NELL1: variants seen among roughly 807,000 people sequenced by gnomAD.
NELL1 encodes protein kinase C-binding protein NELL1.
In NELL1, 76 loss-of-function variants were observed where a neutral mutation model predicts 107.4. The observed-to-expected ratio is 0.71, with a 90% confidence interval of 0.59 to 0.86. NELL1 has a LOEUF of 0.86. Ranked by LOEUF, NELL1 falls within the 40% of genes least tolerant of loss-of-function variation. NELL1 has a pLI of 0.00. For missense variants in NELL1, 1,024 were observed against 1,005.5 expected, an observed-to-expected ratio of 1.02 and a Z score of -0.25; for synonymous variants, 353 against 341.2, an observed-to-expected ratio of 1.03 and a Z score of -0.38.
At chr11:20,767,498 C>T (rs746733875) in intron 2 of NELL1, among the ~76,000 whole-genome samples, 9 of 152,142 alleles carry the variant, frequency 5.9e-5, no homozygotes, top group African/African-American at 9.7e-5. Context: ...AATACTTTAG[C>T]TAGACATAGA....
chr11:21,531,191 G>A (rs184709897), intron 15 of NELL1, among the ~76,000 whole-genome samples: 7 of 152,184 alleles, frequency 4.6e-5, no homozygotes, highest in Middle Eastern at 6.8e-3. Context: ...ACACATATAC[G>A]TATATAGTTC....
chr11:20,821,833 G>T (rs1263769778), intron 3 of NELL1, among the ~76,000 whole-genome samples: 2 of 152,176 alleles, frequency 1.3e-5, no homozygotes, highest in Non-Finnish European at 2.9e-5. Flanking sequence ...CTTCTCTCTT[G>T]TTCATTTGTA....
rs569829311 is a variant in NELL1, at chr11:21,132,701, G to A, written c.1426+18987G>A. 1.3e-3 allele frequency among the ~76,000 whole-genome samples: 202 copies of A among 152,142 alleles called. 1 individual carries two copies. Among genetic ancestry groups the A allele is most frequent in the African/African-American group, 4.6e-3 (193 of 41,512 alleles). On this transcript the variant is annotated intron_variant, in intron 13 of 19. Coordinates refer to ENST00000357134, the MANE Select transcript of NELL1 (RefSeq NM_006157.5). ...CCCCAAAGAAGATGCTACAGCCCTG[G>A]CTCGGGGAGCCCCTAAATCTGGGCT...
At chr11:21,475,292 A>G (rs1186597196) in intron 15 of NELL1, among the ~76,000 whole-genome samples, 2 of 152,132 alleles carry the variant, frequency 1.3e-5, no homozygotes, top group Non-Finnish European at 2.9e-5. Context: ...TGATGTCTGA[A>G]GTTGCACCCT....
At chr11:21,375,706 A>C (rs1851458501) in intron 15 of NELL1, among the ~76,000 whole-genome samples, 1 of 152,112 alleles carries the variant, frequency 6.6e-6, no homozygotes, top group Non-Finnish European at 1.5e-5. Context: ...CAGCCTCACC[A>C]GCATCTGTTG....
At chr11:20,698,736 C>A (rs1229261792) in intron 2 of NELL1, among the ~76,000 whole-genome samples, 1 of 151,980 alleles carries the variant, frequency 6.6e-6, no homozygotes, top group Non-Finnish European at 1.5e-5. Context: ...TTTGGTGCAC[C>A]CATGACCTGG....
intron 12 of NELL1, among the ~76,000 whole-genome samples, chr11:21,017,781 A>G (rs1001609275): frequency 6.6e-6 from 1 of 152,092 alleles, no homozygotes; most frequent in African/African-American, 2.4e-5. Context: ...TCTAAATGCA[A>G]ACTTGATCAT....
intron 13 of NELL1, among the ~76,000 whole-genome samples, chr11:21,191,420 G>A (rs1857046514): frequency 6.6e-6 from 1 of 151,710 alleles, no homozygotes; most frequent in African/African-American, 2.4e-5. Context: ...AAACAAAAGA[G>A]ATATTCCCTA....
intron 15 of NELL1, among the ~76,000 whole-genome samples, chr11:21,460,252 C>CTAGT (rs1216474012): frequency 6.6e-6 from 1 of 151,990 alleles, no homozygotes; most frequent in Admixed American, 6.6e-5. Flanking sequence ...ATTGGAAGAA[C>CTAGT]TAGTGTTCAG....
chr11:20,928,074 AG>A (rs1850537532), intron 8 of NELL1, among the ~76,000 whole-genome samples: 2 of 152,246 alleles, frequency 1.3e-5, no homozygotes, highest in African/African-American at 4.8e-5. Flanking sequence ...AATGATTGAC[AG>A]AGTCTGCAAA....
At chr11:20,711,818 T>C (rs1855120143) in intron 2 of NELL1, among the ~76,000 whole-genome samples, 1 of 152,204 alleles carries the variant, frequency 6.6e-6, no homozygotes, top group Non-Finnish European at 1.5e-5. Flanking sequence ...TAAAATTCTT[T>C]ACTTCATCTT....
intron 3 of NELL1, among the ~76,000 whole-genome samples, chr11:20,795,508 G>A (rs576498502): frequency 9.9e-5 from 15 of 152,134 alleles, no homozygotes; most frequent in African/African-American, 3.1e-4. Context: ...TTATTTTTTC[G>A]GATTCAAATG....
intron 1 of NELL1, chr11:20,674,523 A>G (rs188336430): frequency 1.3e-6 from 2 of 1,536,004 alleles, no homozygotes; most frequent in Admixed American, 2.0e-5. Flanking sequence ...TATCGCTGAT[A>G]TGGAGAACTA....
chr11:20,871,159 T>C (rs1330790599), intron 4 of NELL1, among the ~76,000 whole-genome samples: 1 of 152,184 alleles, frequency 6.6e-6, no homozygotes, highest in African/African-American at 2.4e-5. Flanking sequence ...AATATATTAA[T>C]TAATTAGTAC....
chr11:21,145,740 C>T (rs2133778038), intron 13 of NELL1, among the ~76,000 whole-genome samples: 1 of 152,304 alleles, frequency 6.6e-6, no homozygotes, highest in African/African-American at 2.4e-5. Context: ...AACCTGCCCT[C>T]TGTTAACTTA....
At chr11:21,350,612 G>T (rs554610155) in intron 14 of NELL1, among the ~76,000 whole-genome samples, 3 of 152,242 alleles carry the variant, frequency 2.0e-5, no homozygotes, top group African/African-American at 7.2e-5. Context: ...AACTCTGCTG[G>T]TTTTTTAAGT....
chr11:20,837,268 G>C (rs1445603469), intron 3 of NELL1, among the ~76,000 whole-genome samples: 1 of 152,122 alleles, frequency 6.6e-6, no homozygotes, highest in Non-Finnish European at 1.5e-5. Flanking sequence ...GGAGATTACA[G>C]ATAAGCATGA....
At chr11:21,367,302 AATC>A in intron 14 of NELL1, among the ~76,000 whole-genome samples, 1 of 124,766 alleles carries the variant, frequency 8.0e-6, no homozygotes, top group African/African-American at 3.0e-5. Context: ...ACACACACAC[AATC>A]TATTTTTGCC....
At chr11:21,470,181 G>A (rs182418904) in intron 15 of NELL1, among the ~76,000 whole-genome samples, 14 of 152,132 alleles carry the variant, frequency 9.2e-5, no homozygotes, top group Admixed American at 2.0e-4. Flanking sequence ...CATGATCAAG[G>A]TTGCAAAATT....
Sources: gnomAD v4.1 joint callset for allele counts (sites outside exome capture counted in the v4.1 genomes callset) on GRCh38, gnomAD v4.1.1 for gene constraint, MANE v1.5 for transcripts, NCBI Gene and HGNC (gene_info 2026-07-23, HGNC 2026-07-21) for gene names.